The following CCDC91 variants were observed in gnomAD, a reference collection of about 807,000 sequenced individuals.
CCDC91 encodes the protein coiled-coil domain-containing protein 91.
A neutral mutation model predicts 63.2 loss-of-function variants in CCDC91; 48 were observed. The ratio of observed to expected loss-of-function variants is 0.76; its 90% CI spans 0.60 to 0.97. The LOEUF (loss-of-function observed/expected upper bound fraction) is 0.97. CCDC91 is among the 50% of genes least tolerant of loss of function. The probability of loss-of-function intolerance (pLI) is 0.00; values close to 1 mark genes in which losing one functional copy is unlikely to be tolerated. For missense variants in CCDC91, 500 were observed against 494.6 expected, an observed-to-expected ratio of 1.01 and a Z score of -0.10; for synonymous variants, 167 against 165.8, an observed-to-expected ratio of 1.01 and a Z score of -0.06.
intron 3 of CCDC91, among the ~76,000 whole-genome samples, chr12:28,277,436 G>A (rs1948314112): frequency 6.6e-6 from 1 of 151,948 alleles, no homozygotes; most frequent in Admixed American, 6.6e-5. Context: ...AACTGCATTT[G>A]GTAAGTACCA....
At chr12:28,439,761 G>A (rs1202543319) in intron 8 of CCDC91, among the ~76,000 whole-genome samples, 2 of 133,448 alleles carry the variant, frequency 1.5e-5, no homozygotes, top group Non-Finnish European at 3.2e-5. Flanking sequence ...CAGGAATCAA[G>A]TAAAAACCAC....
rs564007059 is a variant in CCDC91 at position 28,293,959 on chromosome 12, C to T, written c.110-11690C>T. Among the ~76,000 whole-genome samples, 14 of 152,162 alleles carry T rather than the reference C, an allele frequency of 9.2e-5. 1 individual carries two copies. Among genetic ancestry groups the T allele is most frequent in the African/African-American group, 3.4e-4 (14 of 41,508 alleles). ...TACTGGAAAAATAACACACACACGC[C>T]CAAAATCTTAACATGATTTTAACTT... is the stretch of plus-strand genomic sequence containing the variant. On this transcript the variant is annotated intron_variant, in intron 3 of 12. Transcript: ENST00000536442.
intron 12 of CCDC91, among the ~76,000 whole-genome samples, chr12:28,529,259 T>G (rs1941539007): frequency 6.6e-6 from 1 of 152,206 alleles, no homozygotes; most frequent in Admixed American, 6.5e-5. Flanking sequence ...TTTTAAAAGT[T>G]TATTCAGAAT....
chr12:28,497,565 A>T (rs931587671), intron 12 of CCDC91, among the ~76,000 whole-genome samples: 1 of 151,506 alleles, frequency 6.6e-6, no homozygotes, highest in Non-Finnish European at 1.5e-5. Context: ...TTTTTTTCCA[A>T]TGTGGATGAT....
chr12:28,367,294 A>G (rs1430171084), intron 7 of CCDC91, among the ~76,000 whole-genome samples: 1 of 152,230 alleles, frequency 6.6e-6, no homozygotes, highest in Admixed American at 6.5e-5. Context: ...GCAAAGTAAT[A>G]GACTGTATGA....
intron 8 of CCDC91, among the ~76,000 whole-genome samples, chr12:28,429,368 T>C (rs1948506741): frequency 6.6e-6 from 1 of 152,178 alleles, no homozygotes; most frequent in Admixed American, 6.6e-5. Flanking sequence ...CAAGAGTATC[T>C]GTAATGATAT....
chr12:28,505,298 T>G (rs970948250), intron 12 of CCDC91: 2 of 151,896 alleles, frequency 1.3e-5, no homozygotes, highest in Non-Finnish European at 2.9e-5. Context: ...TGGCTTCTTC[T>G]TATTGCTACC....
chr12:28,481,016 A>G (rs1300509149), intron 11 of CCDC91, among the ~76,000 whole-genome samples: 5 of 152,040 alleles, frequency 3.3e-5, no homozygotes, highest in East Asian at 1.9e-4. Flanking sequence ...TTAGCCCTGA[A>G]TGACATTCAA....
At chr12:28,533,186 G>A (rs890635111) in intron 12 of CCDC91, among the ~76,000 whole-genome samples, 2 of 152,040 alleles carry the variant, frequency 1.3e-5, no homozygotes, top group African/African-American at 4.8e-5. Context: ...CAAAGCACAT[G>A]TCTCCAAGAA....
chr12:28,212,692 C>T (rs923314092), intron 1 of CCDC91, among the ~76,000 whole-genome samples: 6 of 152,172 alleles, frequency 3.9e-5, no homozygotes, highest in African/African-American at 1.2e-4. Context: ...ATGTGTTTCC[C>T]TTGGTGAACA....
intron 11 of CCDC91, among the ~76,000 whole-genome samples, chr12:28,462,400 C>G (rs1950350545): frequency 6.6e-6 from 1 of 151,950 alleles, no homozygotes; most frequent in East Asian, 1.9e-4. Flanking sequence ...TAAGTTATCA[C>G]CTACCTAATT....
At chr12:28,272,607 CCTT>C (rs1161789762) in intron 3 of CCDC91, among the ~76,000 whole-genome samples, 2 of 151,932 alleles carry the variant, frequency 1.3e-5, no homozygotes, top group Non-Finnish European at 2.9e-5. Context: ...TTTCCTTCCT[CCTT>C]CTCTTTATTC....
At chr12:28,250,521 T>A (rs1946052832) in intron 1 of CCDC91, among the ~76,000 whole-genome samples, 1 of 152,144 alleles carries the variant, frequency 6.6e-6, no homozygotes, top group Non-Finnish European at 1.5e-5. Context: ...AGTAGCAATG[T>A]AGTATCTTTT....
intron 12 of CCDC91, among the ~76,000 whole-genome samples, chr12:28,531,536 A>G (rs961024778): frequency 2.6e-5 from 4 of 152,102 alleles, no homozygotes; most frequent in South Asian, 2.1e-4. Context: ...GATAATGTAA[A>G]ATTTAAAGAG....
At chr12:28,287,706 A>G (rs2136703668) in intron 3 of CCDC91, among the ~76,000 whole-genome samples, 1 of 152,266 alleles carries the variant, frequency 6.6e-6, no homozygotes, top group African/African-American at 2.4e-5. Context: ...GTTCCATATG[A>G]ATTTTCAAAT....
At chr12:28,194,493 C>T (rs143845333) in intron 1 of CCDC91, among the ~76,000 whole-genome samples, 2 of 152,250 alleles carry the variant, frequency 1.3e-5, no homozygotes, top group East Asian at 1.9e-4. Context: ...CTGGTGGGTC[C>T]ATGGTCTTGC....
intron 1 of CCDC91, chr12:28,255,500 C>G (rs1396656340): frequency 1.3e-5 from 2 of 152,166 alleles, no homozygotes; most frequent in Non-Finnish European, 2.9e-5. Context: ...TTTCTGTTCA[C>G]TTGCAACACA....
intron 1 of CCDC91, among the ~76,000 whole-genome samples, chr12:28,195,768 A>G (rs1450276394): frequency 6.6e-6 from 1 of 152,156 alleles, no homozygotes; most frequent in Non-Finnish European, 1.5e-5. Flanking sequence ...CCATTTGGGG[A>G]GAATTGACAT....
chr12:28,361,906 G>GT (rs964825300), intron 6 of CCDC91, among the ~76,000 whole-genome samples: 4 of 151,690 alleles, frequency 2.6e-5, no homozygotes, highest in East Asian at 1.9e-4. Flanking sequence ...GTTTCTTTTT[G>GT]TTTTTTCTGT....
Sources: gnomAD v4.1 joint callset for allele counts (sites outside exome capture counted in the v4.1 genomes callset) on GRCh38, gnomAD v4.1.1 for gene constraint, MANE v1.5 for transcripts, NCBI Gene and HGNC (gene_info 2026-07-23, HGNC 2026-07-21) for gene names.